Variants in RPGRIP1L observed in about 807,000 individuals in gnomAD.
RPGRIP1L encodes the protein protein fantom.
In RPGRIP1L, 131 loss-of-function variants were observed where a neutral mutation model predicts 160.4. The ratio of observed to expected loss-of-function variants is 0.82; its 90% CI spans 0.71 to 0.94. The LOEUF is 0.94. RPGRIP1L is among the 40% of genes least tolerant of loss of function. RPGRIP1L has a pLI of 0.00. For synonymous variants in RPGRIP1L, 510 were observed against 515.8 expected (o/e 0.99, Z 0.15); for missense variants, 1,522 against 1,535.8 (o/e 0.99, Z 0.15).
At chr16:53,676,037 AT>A (rs992730333) in intron 6 of RPGRIP1L, among the ~76,000 whole-genome samples, 2 of 152,172 alleles carry the variant, frequency 1.3e-5, no homozygotes, top group African/African-American at 4.8e-5. Context: ...AAAGTAAGAG[AT>A]TTTACTTTTA....
chr16:53,634,703 C>G (rs999057276), intron 22 of RPGRIP1L, among the ~76,000 whole-genome samples: 2 of 152,176 alleles, frequency 1.3e-5, no homozygotes, highest in African/African-American at 4.8e-5. Flanking sequence ...GCTCTAGCTC[C>G]CCTTATCCTT....
chr16:53,642,929 T>C (rs1232725020), intron 17 of RPGRIP1L, among the ~76,000 whole-genome samples: 2 of 152,162 alleles, frequency 1.3e-5, no homozygotes, highest in Admixed American at 6.5e-5. Flanking sequence ...GAGGTCTCAA[T>C]ACTGGTTGGG....
chr16:53,691,229 A>C (rs1292415921), intron 4 of RPGRIP1L, among the ~76,000 whole-genome samples: 1 of 152,110 alleles, frequency 6.6e-6, no homozygotes, highest in African/African-American at 2.4e-5. Context: ...TTAGAGCTAA[A>C]ACCTAATTTC....
At chr16:53,691,619 T>G (rs1970386733) in intron 4 of RPGRIP1L, among the ~76,000 whole-genome samples, 1 of 152,236 alleles carries the variant, frequency 6.6e-6, no homozygotes, top group Non-Finnish European at 1.5e-5. Context: ...CCTGGTTACA[T>G]GCACATGCCA....
At chr16:53,624,845 C>T (rs1226590848) in intron 22 of RPGRIP1L, among the ~76,000 whole-genome samples, 5 of 146,656 alleles carry the variant, frequency 3.4e-5, no homozygotes, top group African/African-American at 1.3e-4. Context: ...GCCGCGATCT[C>T]GGCTCGCTGC....
At chr16:53,679,410 CTT>C (rs541122602) in intron 6 of RPGRIP1L, among the ~76,000 whole-genome samples, 2 of 147,110 alleles carry the variant, frequency 1.4e-5, no homozygotes, top group Middle Eastern at 3.5e-3. Flanking sequence ...TTTTTTTTTC[CTT>C]TTTTTTTTAG....
intron 4 of RPGRIP1L, among the ~76,000 whole-genome samples, chr16:53,691,111 T>G (rs532612159): frequency 1.4e-4 from 21 of 146,258 alleles, no homozygotes; most frequent in Non-Finnish European, 2.5e-4. Flanking sequence ...GGTTTTTCGT[T>G]TTTTTTTTTT....
At chr16:53,628,458 A>C (rs1965315240) in intron 22 of RPGRIP1L, 1 of 152,144 alleles carries the variant, frequency 6.6e-6, no homozygotes, top group South Asian at 2.1e-4. Flanking sequence ...AGACTCAAAA[A>C]AATCCCCTTC....
At chr16:53,618,658 C>T (rs765156075) in intron 24 of RPGRIP1L, among the ~76,000 whole-genome samples, 3 of 152,210 alleles carry the variant, frequency 2.0e-5, no homozygotes, top group African/African-American at 4.8e-5. Context: ...ATCCTCCTGC[C>T]TCAGCCTCCT....
intron 22 of RPGRIP1L, among the ~76,000 whole-genome samples, chr16:53,623,353 A>T (rs1056356605): frequency 6.6e-6 from 1 of 152,214 alleles, no homozygotes; most frequent in East Asian, 1.9e-4. Context: ...TGTAGTACAC[A>T]ATAAATGAGT....
chr16:53,696,405 A>T (rs1300968569), intron 2 of RPGRIP1L, 110 bp from the exon 3 acceptor site: 1 of 1,080,814 alleles, frequency 9.3e-7, no homozygotes, highest in Non-Finnish European at 1.4e-6. Context: ...TTCCTTTGTG[A>T]CCTACAGTTA....
At chr16:53,674,095 C>G (rs1288121289) in intron 7 of RPGRIP1L, among the ~76,000 whole-genome samples, 3 of 152,140 alleles carry the variant, frequency 2.0e-5, no homozygotes, top group African/African-American at 7.2e-5. Flanking sequence ...ACTCTCTCAT[C>G]AGTCTCCTTT....
chr16:53,651,374 G>C (rs991806818), intron 15 of RPGRIP1L, among the ~76,000 whole-genome samples: 6 of 152,056 alleles, frequency 3.9e-5, no homozygotes, highest in Admixed American at 2.6e-4. Flanking sequence ...GCCTGAGAAC[G>C]GTCCTATTTT....
intron 22 of RPGRIP1L, among the ~76,000 whole-genome samples, chr16:53,629,768 T>C (rs939073543): frequency 1.3e-5 from 2 of 152,134 alleles, no homozygotes; most frequent in African/African-American, 4.8e-5. Context: ...TGAATACAAA[T>C]GTTTTTGGCA....
At chr16:53,657,110 G>A (rs1004573449) in intron 13 of RPGRIP1L, among the ~76,000 whole-genome samples, 1 of 151,860 alleles carries the variant, frequency 6.6e-6, no homozygotes, top group Non-Finnish European at 1.5e-5. Flanking sequence ...GCATGGTGGC[G>A]GCACCTGTAA....
chr16:53,688,965 C>T (rs1241622688), intron 4 of RPGRIP1L, among the ~76,000 whole-genome samples: 1 of 151,528 alleles, frequency 6.6e-6, no homozygotes, highest in Non-Finnish European at 1.5e-5. Context: ...TACGCTTTTC[C>T]TACATATACC....
chr16:53,681,868 A>G (rs1189980991), intron 6 of RPGRIP1L, among the ~76,000 whole-genome samples: 1 of 152,254 alleles, frequency 6.6e-6, no homozygotes, highest in Admixed American at 6.5e-5. Flanking sequence ...CAAGGAGTCC[A>G]ACATCCAGAT....
At chr16:53,616,253 G>C (rs977998592) in intron 24 of RPGRIP1L, among the ~76,000 whole-genome samples, 1 of 152,162 alleles carries the variant, frequency 6.6e-6, no homozygotes, top group African/African-American at 2.4e-5. Context: ...TTGACCTTCT[G>C]TATCAGGTAA....
chr16:53,664,762 A>C, intron 10 of RPGRIP1L, 108 bp downstream of exon 10: 3 of 1,228,844 alleles, frequency 2.4e-6, no homozygotes, highest in Non-Finnish European at 3.6e-6. Flanking sequence ...TCCCTCATAC[A>C]TTGCGGGGAT....
Sources: allele counts gnomAD v4.1 joint callset (sites outside exome capture counted in the v4.1 genomes callset), GRCh38; gene constraint gnomAD v4.1.1; transcripts MANE v1.5; gene names NCBI Gene and HGNC (gene_info 2026-07-23, HGNC 2026-07-21).